Variants in ASZ1 observed in about 807,000 individuals in gnomAD.
The protein encoded by ASZ1 is ankyrin repeat, SAM and basic leucine zipper domain-containing protein 1.
A neutral mutation model predicts 61.8 loss-of-function variants in ASZ1; 67 were observed. That is an observed-to-expected ratio of 1.08 (90% CI 0.89 to 1.33). The LOEUF is 1.33. Ranked by LOEUF, ASZ1 falls within the 40% of genes most tolerant of loss-of-function variation. The pLI is 0.00. For missense variants in ASZ1, 577 were observed against 554.5 expected (o/e 1.04, Z -0.41); for synonymous variants, 193 against 192.7 (o/e 1.00, Z -0.01).
intron 4 of ASZ1, among the ~76,000 whole-genome samples, chr7:117,394,120 T>C (rs1464891131): frequency 6.6e-6 from 1 of 152,054 alleles, no homozygotes; most frequent in African/African-American, 2.4e-5. Flanking sequence ...CCCCCCTTTT[T>C]AGGAGACAGG....
rs1034605056 is a variant in ASZ1, at chr7:117,422,096, A to G, written c.328+141T>C. 26 of 869,850 alleles carry G rather than the reference A, an allele frequency of 3.0e-5. No homozygotes were observed. The Admixed American group carries it at 6.1e-4, about 20-fold the overall frequency. 53.9% of individuals were successfully genotyped at this position (869,850 alleles called of 1,614,324 possible). ...CAGAATATGTATGGTTTCTAATTTG[A>G]TTTTGTATATTATTTACATAGTATA... On this transcript the variant is annotated intron_variant, in intron 3 of 12. Coordinates refer to ENST00000284629, the MANE Select transcript of ASZ1 (RefSeq NM_130768.3).
At chr7:117,407,008 GATTA>G (rs941906055) in intron 4 of ASZ1, among the ~76,000 whole-genome samples, 1 of 151,848 alleles carries the variant, frequency 6.6e-6, no homozygotes, top group African/African-American at 2.4e-5. Flanking sequence ...AATAATATTT[GATTA>G]ATCAAAAAAT....
intron 2 of ASZ1, among the ~76,000 whole-genome samples, chr7:117,426,341 T>A (rs1460166158): frequency 3.1e-5 from 4 of 129,834 alleles, no homozygotes; most frequent in Non-Finnish European, 3.4e-5. Context: ...AAAAAAAAAA[T>A]TAGCCGGGCG....
intron 10 of ASZ1, among the ~76,000 whole-genome samples, chr7:117,369,493 G>GT (rs1163084680): frequency 1.3e-5 from 2 of 152,146 alleles, no homozygotes; most frequent in South Asian, 2.1e-4. Context: ...TTGGAGAGTG[G>GT]TGTGGATAAA....
intron 4 of ASZ1, among the ~76,000 whole-genome samples, chr7:117,412,731 A>G (rs1324088147): frequency 6.6e-6 from 1 of 151,910 alleles, no homozygotes; most frequent in Non-Finnish European, 1.5e-5. Flanking sequence ...ATCCTAATGT[A>G]ACAAATACAT....
rs529732721 is a variant in ASZ1 at position 117,396,334 on chromosome 7, G to C, written c.441-10525C>G. Among the ~76,000 whole-genome samples, 6 of 152,242 alleles carry C rather than the reference G, an allele frequency of 3.9e-5. No homozygotes were observed. In the South Asian group the frequency reaches 1.2e-3, roughly 32 times the overall value. On this transcript the variant is annotated intron_variant, in intron 4 of 12. Coordinates refer to ENST00000284629, the MANE Select transcript of ASZ1 (RefSeq NM_130768.3). The stretch of plus-strand genomic sequence containing the variant: ...CCAAAACAATGGTAAAACTAAAAGT[G>C]CTTACAACAAGCATCCTTTCCTTGT...
rs921508366 is a variant in ASZ1 at position 117,426,988 on chromosome 7, C to T, written c.106-53G>A. ...CTTGTTATATATATTTTTGTTTCCA[C>T]CTCATCAGGAAACAATAATGTTTGG... On this transcript the variant is annotated intron_variant, in intron 1 of 12. Coordinates refer to ENST00000284629, the MANE Select transcript of ASZ1 (RefSeq NM_130768.3). 1.0e-5 allele frequency: 15 copies of T among 1,478,672 alleles called. No individual in the cohort carries two copies. The Middle Eastern group carries it at 6.5e-4, about 64-fold the overall frequency. The allele number at this position is 1,478,672 out of a possible 1,614,324, so 91.6% of individuals were successfully genotyped here.
At chr7:117,425,722 G>T (rs1490544242) in intron 2 of ASZ1, among the ~76,000 whole-genome samples, 2 of 151,906 alleles carry the variant, frequency 1.3e-5, no homozygotes, top group Non-Finnish European at 1.5e-5. Flanking sequence ...GGGGGCGGTG[G>T]CTCTTGCTTG....
chr7:117,385,946 AT>A (rs1184358773), intron 4 of ASZ1, 137 bp from the exon 5 acceptor site: 1 of 707,710 alleles, frequency 1.4e-6, no homozygotes, highest in African/African-American at 1.8e-5. Context: ...AAATCAGGTG[AT>A]TTAAAAATCC....
intron 2 of ASZ1, among the ~76,000 whole-genome samples, chr7:117,426,153 C>T (rs1025046432): frequency 6.6e-6 from 1 of 151,786 alleles, no homozygotes; most frequent in Admixed American, 6.6e-5. Flanking sequence ...AAAACTGTAA[C>T]GAGAAAGAAC....
chr7:117,364,564 A>G (rs1198603865), intron 12 of ASZ1, among the ~76,000 whole-genome samples: 1 of 152,074 alleles, frequency 6.6e-6, no homozygotes. Flanking sequence ...GAAAGATAAA[A>G]AGAATCAGGC....
At chr7:117,422,715 C>G (rs56300323) in intron 2 of ASZ1, among the ~76,000 whole-genome samples, 2,023 of 152,042 alleles carry the variant, frequency 0.013, 49 homozygotes, top group African/African-American at 0.047. Flanking sequence ...GAATATTATC[C>G]CTGGGCAATA....
At chr7:117,367,774 A>G in intron 11 of ASZ1, 1 of 957,092 alleles carries the variant, frequency 1.0e-6, no homozygotes, top group Non-Finnish European at 1.3e-6. Context: ...ATATTAATTG[A>G]TGTTATATAA....
In ASZ1 at chr7:117,427,483, C is replaced by G. The variant is rs544748593; in HGVS notation, c.-23G>C. On this transcript the variant is annotated 5_prime_UTR_variant, in exon 1 of 13. Coordinates refer to ENST00000284629, the MANE Select transcript of ASZ1 (RefSeq NM_130768.3). ...CATGCCAGCCAAGGAAGCTCCCTGT[C>G]GGCACCGCGCGCCCTTCAGCTCTCC... The G allele has an allele frequency of 6.2e-7, 1 of 1,611,796 alleles. No homozygotes were observed.
Position 117,427,407 on chromosome 7 carries a change from G to A in ASZ1, c.54C>T (p.Ser18=), listed in dbSNP as rs761119176. The A allele has an allele frequency of 6.2e-7, 1 of 1,614,136 alleles. No individual in the cohort carries two copies. The highest frequency in any genetic ancestry group is 8.5e-7 in the Non-Finnish European group (1 of 1,180,008). ...GLPVAGGGES[S]ESEDDGWEIG... ...TCTCCCAGCCATCATCCTCGCTCTC[G>A]CTACTCTCGCCTCCGCCAGCCACTG... The change falls in exon 1 of 13, where the codon AGC becomes AGT. Residue 18 remains serine, a synonymous_variant. Transcript: ENST00000284629.
At chr7:117,363,838 G>A in intron 12 of ASZ1, 90 bp from the exon 13 acceptor site, 1 of 1,075,248 alleles carries the variant, frequency 9.3e-7, no homozygotes. Flanking sequence ...TAATATCCAT[G>A]TTAATTCATT....
At chr7:117,409,699 T>C (rs1796856238) in intron 4 of ASZ1, among the ~76,000 whole-genome samples, 1 of 151,858 alleles carries the variant, frequency 6.6e-6, no homozygotes, top group African/African-American at 2.4e-5. Context: ...AACAAATATG[T>C]ATACGAGCTA....
At chr7:117,395,714 C>T (rs1011855451) in intron 4 of ASZ1, among the ~76,000 whole-genome samples, 5 of 152,070 alleles carry the variant, frequency 3.3e-5, no homozygotes, top group African/African-American at 9.6e-5. Context: ...TGACTATTTT[C>T]GGTTTACCAA....
At chr7:117,402,324 C>T (rs911086262) in intron 4 of ASZ1, among the ~76,000 whole-genome samples, 4 of 152,110 alleles carry the variant, frequency 2.6e-5, no homozygotes, top group Admixed American at 2.0e-4. Context: ...CTTTGGTTTC[C>T]GGGAGGTATC....
Sources: allele counts gnomAD v4.1 joint callset (sites outside exome capture counted in the v4.1 genomes callset), GRCh38; gene constraint gnomAD v4.1.1; transcripts MANE v1.5; gene names NCBI Gene and HGNC (gene_info 2026-07-23, HGNC 2026-07-21).